ZSCAN5A: variants seen among roughly 807,000 people sequenced by gnomAD.
ZSCAN5A encodes the protein zinc finger and SCAN domain-containing protein 5A.
ZSCAN5A carries 12 observed loss-of-function variants against 23.7 expected under a neutral mutation model. The observed-to-expected ratio is 0.51, with a 90% CI of 0.32 to 0.82. The LOEUF is 0.82. ZSCAN5A is among the 40% of genes least tolerant of loss of function. The pLI is 0.03. For synonymous variants in ZSCAN5A, 257 were observed against 239.9 expected (o/e 1.07, Z -0.66); for missense variants, 597 against 617.9 (o/e 0.97, Z 0.36).
At chr19:56,280,350 A>G (rs1482673733) in intron 2 of ZSCAN5A, among the ~76,000 whole-genome samples, 2 of 152,158 alleles carry the variant, frequency 1.3e-5, no homozygotes, top group Non-Finnish European at 2.9e-5. Flanking sequence ...CCAGTCACAT[A>G]CTAATGGCCA....
intron 1 of ZSCAN5A, among the ~76,000 whole-genome samples, chr19:56,365,564 T>TG (rs2041758993): frequency 6.6e-6 from 1 of 152,208 alleles, no homozygotes; most frequent in Admixed American, 6.5e-5. Flanking sequence ...AGCAAGGAGC[T>TG]GGAAGTCCTC....
chr19:56,347,034 T>C (rs1012323856), intron 2 of ZSCAN5A: 2 of 152,334 alleles, frequency 1.3e-5, no homozygotes, highest in African/African-American at 4.8e-5. Flanking sequence ...GCCTCAATTA[T>C]TCTTGTTGTA....
At chr19:56,326,595 G>A (rs115503446) in intron 2 of ZSCAN5A, among the ~76,000 whole-genome samples, 83 of 151,992 alleles carry the variant, frequency 5.5e-4, no homozygotes, top group African/African-American at 1.5e-3. Flanking sequence ...CTCTCTGTGC[G>A]TGGCTTATTT....
intron 2 of ZSCAN5A, among the ~76,000 whole-genome samples, chr19:56,231,592 G>T (rs1261439402): frequency 6.6e-6 from 1 of 152,126 alleles, no homozygotes; most frequent in Non-Finnish European, 1.5e-5. Flanking sequence ...CAAGATTTGT[G>T]GGGTTATCCT....
At chr19:56,304,850 T>A in intron 2 of ZSCAN5A, 1 of 974,264 alleles carries the variant, frequency 1.0e-6, no homozygotes, top group African/African-American at 1.8e-5. Flanking sequence ...GGCAGGGAAG[T>A]GGGCTTTTCC....
intron 2 of ZSCAN5A, among the ~76,000 whole-genome samples, chr19:56,292,461 T>TTTTTTTTTTTTTTACTTC: frequency 6.6e-6 from 1 of 151,664 alleles, no homozygotes; most frequent in Middle Eastern, 3.4e-3. Context: ...GTTTTTACTT[T>TTTTTTTTTTTTTTACTTC]TTTTTTTTTT....
chr19:56,332,630 T>C (rs1402264316), intron 2 of ZSCAN5A, among the ~76,000 whole-genome samples: 2 of 152,222 alleles, frequency 1.3e-5, no homozygotes, highest in African/African-American at 4.8e-5. Context: ...CTACGCCTTT[T>C]GAGTAAGGCA....
chr19:56,307,618 C>A (rs182189798), intron 2 of ZSCAN5A, among the ~76,000 whole-genome samples: 1 of 152,024 alleles, frequency 6.6e-6, no homozygotes, highest in African/African-American at 2.4e-5. Flanking sequence ...ATTGTTCATA[C>A]GGAGAAAAAT....
chr19:56,337,358 C>T (rs1568758172), intron 2 of ZSCAN5A, among the ~76,000 whole-genome samples: 1 of 152,258 alleles, frequency 6.6e-6, no homozygotes. Context: ...GAGCGAGGCT[C>T]TGTGGGTGTA....
At chr19:56,323,698 T>C (rs1227485850) in intron 2 of ZSCAN5A, among the ~76,000 whole-genome samples, 2 of 149,588 alleles carry the variant, frequency 1.3e-5, no homozygotes, top group African/African-American at 4.9e-5. Context: ...CACCACAGCC[T>C]GCTAATTTTG....
chr19:56,297,655 T>C, intron 2 of ZSCAN5A: 1 of 443,702 alleles, frequency 2.3e-6, no homozygotes, highest in Non-Finnish European at 3.0e-6. Context: ...CTTTGGTACC[T>C]GAGAGGCTGC....
intron 2 of ZSCAN5A, chr19:56,247,415 G>A (rs2036003458): frequency 5.6e-6 from 1 of 177,942 alleles, no homozygotes; most frequent in African/African-American, 2.4e-5. Context: ...AAGTGTCTAA[G>A]AGCCTTTCGT....
At chr19:56,249,440 T>C (rs527604499) in intron 2 of ZSCAN5A, among the ~76,000 whole-genome samples, 3 of 152,146 alleles carry the variant, frequency 2.0e-5, no homozygotes, top group Non-Finnish European at 4.4e-5. Flanking sequence ...GCCTGGCTAA[T>C]TTTTTATTTT....
At chr19:56,313,014 C>T (rs1158198645) in intron 2 of ZSCAN5A, among the ~76,000 whole-genome samples, 1 of 152,234 alleles carries the variant, frequency 6.6e-6, no homozygotes, top group Non-Finnish European at 1.5e-5. Context: ...GTGCAGAGGT[C>T]TGGGCTCCCA....
At chr19:56,343,086 G>T in intron 2 of ZSCAN5A, 1 of 782,756 alleles carries the variant, frequency 1.3e-6, no homozygotes, top group Non-Finnish European at 2.3e-6. Flanking sequence ...TCATGCAGAG[G>T]GCGGCCTTCG....
In ZSCAN5A at chr19:56,351,250, AT is replaced by A. The variant is rs2041665830; in HGVS notation, c.-358+11984del. On this transcript the variant is annotated intron_variant, in intron 2 of 6. Transcript: ENST00000587340. The surrounding 1 kb of genome is among the most constrained non-coding windows in gnomAD (Gnocchi z 4.8). ...AAGGGCCGGGCTGACAAGCTTTGAT[AT>A]GCAAATGCTGGCCACTAGAAACTGG... Among the ~76,000 whole-genome samples, 1 of 152,134 alleles carries A rather than the reference AT, an allele frequency of 6.6e-6. No individual in the cohort carries two copies. Among genetic ancestry groups the A allele is most frequent in the Non-Finnish European group, 1.5e-5 (1 of 68,028 alleles).
chr19:56,276,981 A>G (rs1211238223), intron 2 of ZSCAN5A, among the ~76,000 whole-genome samples: 1 of 152,208 alleles, frequency 6.6e-6, no homozygotes, highest in East Asian at 1.9e-4. Flanking sequence ...ATAAGCACAT[A>G]AAAAGATGCT....
chr19:56,334,414 C>T (rs1303407910), intron 2 of ZSCAN5A, among the ~76,000 whole-genome samples: 2 of 152,132 alleles, frequency 1.3e-5, no homozygotes, highest in African/African-American at 4.8e-5. Flanking sequence ...TTATTTTGTT[C>T]ACTTTTCCAA....
chr19:56,222,701 C>G lies in ZSCAN5A; in HGVS notation c.629G>C (p.Gly210Ala). 2.5e-6 allele frequency: 4 copies of G among 1,614,128 alleles called. No individual in the cohort carries two copies. Among genetic ancestry groups the G allele is most frequent in the Admixed American group, 1.7e-5 (1 of 60,012 alleles). The change falls in exon 5 of 6, where the codon GGT becomes GCT. Residue 210 changes from glycine to alanine, a missense_variant. Coordinates refer to ENST00000683990, the MANE Select transcript of ZSCAN5A (RefSeq NM_001322064.3). ...FLLHKSIDVT[G>A]DPKSLRPKQT... The stretch of plus-strand genomic sequence containing the variant: ...CTTGGGTCTCAGAGACTTTGGGTCA[C>G]CTGTTACGTCAATACTCTTGTGTAG...
Sources: gnomAD v4.1 joint callset for allele counts (sites outside exome capture counted in the v4.1 genomes callset) on GRCh38, gnomAD v4.1.1 for gene constraint, Gnocchi (gnomAD v3.1) non-coding constraint, MANE v1.5 for transcripts, NCBI Gene and HGNC (gene_info 2026-07-23, HGNC 2026-07-21) for gene names.